ZFAND6: variants seen among roughly 807,000 people sequenced by gnomAD.
ZFAND6 encodes the protein zinc finger AN1-type containing 6, also known as AN1-type zinc finger protein 6.
ZFAND6 carries 12 observed loss-of-function variants against 24.5 expected under a neutral mutation model. That is an observed-to-expected ratio of 0.49 (90% CI 0.31 to 0.79). ZFAND6 has a LOEUF of 0.79. ZFAND6 is among the 30% of genes least tolerant of loss of function. ZFAND6 has a pLI of 0.04. For missense variants in ZFAND6, 207 were observed against 245.9 expected (o/e 0.84, Z 1.06); for synonymous variants, 92 against 81.5 (o/e 1.13, Z -0.69).
In ZFAND6 at chr15:80,137,492, G is replaced by A. The variant is rs1198656954; in HGVS notation, c.491G>A (p.Arg164Gln). 7 of 1,600,486 alleles carry A rather than the reference G, an allele frequency of 4.4e-6. No homozygotes were observed. Among genetic ancestry groups the A allele is most frequent in the East Asian group, 2.2e-5 (1 of 44,570 alleles). Residue 164 changes from arginine to glutamine, a missense_variant, in exon 7 of 7, where the codon CGG becomes CAG. Physicochemically the swap from Arg to Gln is conservative, Grantham distance 43. This residue lies in a region of ZFAND6 where 45 missense variants were observed against 67.7 expected (regional missense o/e 0.66). Transcript: ENST00000261749. ...KKVGLTGFEC[R>Q]CGNVYCGVHR... is the part of the protein sequence containing the mutation. ...ACTCCATTTCCAGGGTTTGAATGCC[G>A]GTGTGGAAATGTTTACTGTGGTGTA...
At chr15:80,133,303 C>T (rs1314694733) in intron 6 of ZFAND6, among the ~76,000 whole-genome samples, 1 of 151,858 alleles carries the variant, frequency 6.6e-6, no homozygotes, top group Non-Finnish European at 1.5e-5. Flanking sequence ...AGCAATTCTC[C>T]TGCCCCAGCC....
At chr15:80,098,212 G>A (rs1189115729) in intron 1 of ZFAND6, among the ~76,000 whole-genome samples, 1 of 152,144 alleles carries the variant, frequency 6.6e-6, no homozygotes, top group Non-Finnish European at 1.5e-5. Flanking sequence ...CTGTGGCCAG[G>A]TATAGAAAAT....
At chr15:80,110,832 A>G (rs1241519710) in intron 2 of ZFAND6, among the ~76,000 whole-genome samples, 1 of 152,134 alleles carries the variant, frequency 6.6e-6, no homozygotes, top group Admixed American at 6.5e-5. Flanking sequence ...TACCAAGAAA[A>G]TCAACTCTAG....
intron 1 of ZFAND6, among the ~76,000 whole-genome samples, chr15:80,075,833 G>A (rs1207037105): frequency 1.3e-5 from 2 of 152,076 alleles, no homozygotes; most frequent in Non-Finnish European, 2.9e-5. Flanking sequence ...TTTGTCGTTA[G>A]TAGTGCTTTG....
At chr15:80,131,148 A>G in intron 5 of ZFAND6, 32 bp from the exon 6 acceptor site, 1 of 1,496,974 alleles carries the variant, frequency 6.7e-7, no homozygotes, top group Non-Finnish European at 9.0e-7. Flanking sequence ...TTACAGAATA[A>G]TTAAATTTTG....
At chr15:80,111,545 T>C (rs1400475338) in intron 2 of ZFAND6, 1 of 455,888 alleles carries the variant, frequency 2.2e-6, no homozygotes, top group Non-Finnish European at 4.4e-6. Context: ...ATGCAAACAA[T>C]ACAGTGGCCT....
intron 1 of ZFAND6, among the ~76,000 whole-genome samples, chr15:80,063,424 C>T (rs1370282152): frequency 6.6e-6 from 1 of 151,974 alleles, no homozygotes; most frequent in Non-Finnish European, 1.5e-5. Context: ...CAGAGTCTTG[C>T]TCTGTCTCCC....
intron 2 of ZFAND6, among the ~76,000 whole-genome samples, chr15:80,105,974 T>G (rs948236874): frequency 1.3e-5 from 2 of 152,222 alleles, no homozygotes; most frequent in African/African-American, 4.8e-5. Context: ...CTAATAAAGT[T>G]GTAATTTTGG....
At position 80,059,727 on chromosome 15, in the gene ZFAND6, GT is replaced by G. The variant is rs2036215719; in HGVS notation, c.-261del. ...GGTGGCGGAGCCGGAGCAAGCAGGGGTTCGGCGGCATTACCTGTACCCATTC... is the reference window on the plus strand; with the variant it reads ...GGTGGCGGAGCCGGAGCAAGCAGGGGTCGGCGGCATTACCTGTACCCATTC... On this transcript the variant is annotated 5_prime_UTR_variant, in exon 1 of 7. Coordinates refer to ENST00000261749, the MANE Select transcript of ZFAND6 (RefSeq NM_019006.4). 1 of 152,578 alleles carries G rather than the reference GT, an allele frequency of 6.6e-6. No homozygotes were observed. The allele number at this position is 152,578 out of a possible 1,614,324, so 9.5% of individuals were successfully genotyped here. A position where few individuals can be genotyped will look rare whatever the true frequency, so the allele number is the denominator to read the frequency against.
At chr15:80,067,106 A>G (rs1367706796) in intron 1 of ZFAND6, among the ~76,000 whole-genome samples, 1 of 152,154 alleles carries the variant, frequency 6.6e-6, no homozygotes, top group Non-Finnish European at 1.5e-5. Context: ...TTTGAATTTG[A>G]CAGAAGATTA....
rs1391789739 is a variant in ZFAND6 at position 80,084,905 on chromosome 15, CG to C, written c.-180-13509del. Among the ~76,000 whole-genome samples, 9 of 152,278 alleles carry C rather than the reference CG, an allele frequency of 5.9e-5. No homozygotes were observed. In the East Asian group the frequency reaches 1.7e-3, roughly 29 times the overall value. On this transcript the variant is annotated intron_variant, in intron 1 of 6. Coordinates refer to ENST00000261749, the MANE Select transcript of ZFAND6 (RefSeq NM_019006.4). ...TGAACCTAATTAAGAATTTTTAAGT[CG>C]GTTAATCCTGCCATGCCCCCTTGGT... is the stretch of plus-strand genomic sequence containing the variant.
chr15:80,062,806 C>T (rs1307198179), intron 1 of ZFAND6, among the ~76,000 whole-genome samples: 2 of 152,132 alleles, frequency 1.3e-5, no homozygotes, highest in Admixed American at 6.5e-5. Flanking sequence ...TGATAGATAA[C>T]TATTATTAAC....
chr15:80,131,611 G>A, intron 6 of ZFAND6: 1 of 366,750 alleles, frequency 2.7e-6, no homozygotes. Flanking sequence ...GAAGTACTTG[G>A]TAAACTGGAA....
chr15:80,103,850 A>G (rs1327230777), intron 2 of ZFAND6, among the ~76,000 whole-genome samples: 2 of 152,110 alleles, frequency 1.3e-5, no homozygotes, highest in African/African-American at 2.4e-5. Flanking sequence ...GTTCATTATT[A>G]TTATTGTTTT....
At chr15:80,114,260 A>G (rs1277388983) in intron 2 of ZFAND6, among the ~76,000 whole-genome samples, 1 of 152,218 alleles carries the variant, frequency 6.6e-6, no homozygotes, top group East Asian at 1.9e-4. Context: ...TAACAAGTCC[A>G]AGCTTTTACA....
intron 1 of ZFAND6, chr15:80,073,310 T>C: frequency 2.8e-6 from 1 of 352,710 alleles, no homozygotes; most frequent in Non-Finnish European, 5.6e-6. Flanking sequence ...ATGAAAGGAT[T>C]TATATTTTTA....
Position 80,137,634 on chromosome 15 carries a change from T to A in ZFAND6, c.*6T>A, listed in dbSNP as rs185069607. 5,132 of 1,566,554 alleles carry A rather than the reference T, an allele frequency of 3.3e-3. 11 individuals carry two copies. The highest frequency in any genetic ancestry group is 3.9e-3 in the Admixed American group (182 of 46,336). On this transcript the variant is annotated 3_prime_UTR_variant, in exon 7 of 7. Transcript: ENST00000261749. ...AAAAGATCCAAAAGATTTGAACTCC[T>A]GCTGGAATACAAAATTCTTGAGCAT...
At chr15:80,085,324 G>A (rs959739213) in intron 1 of ZFAND6, among the ~76,000 whole-genome samples, 1 of 152,086 alleles carries the variant, frequency 6.6e-6, no homozygotes, top group Non-Finnish European at 1.5e-5. Context: ...TGTTTTATTC[G>A]TTACTGTATC....
intron 1 of ZFAND6, among the ~76,000 whole-genome samples, chr15:80,069,343 G>A (rs1278138055): frequency 6.6e-6 from 1 of 152,074 alleles, no homozygotes; most frequent in Non-Finnish European, 1.5e-5. Flanking sequence ...GCATTAATCA[G>A]TGACCTTGTT....
Sources: gnomAD v4.1 joint callset for allele counts (sites outside exome capture counted in the v4.1 genomes callset) on GRCh38, gnomAD v4.1.1 for gene constraint, gnomAD v4.1.1 regional missense constraint, MANE v1.5 for transcripts, NCBI Gene and HGNC (gene_info 2026-07-23, HGNC 2026-07-21) for gene names.